The following FAM3B variants were observed in gnomAD, a reference collection of about 807,000 sequenced individuals.
FAM3B encodes FAM3 metabolism regulating signaling molecule B, also known as protein FAM3B.
FAM3B carries 29 observed loss-of-function variants against 28.4 expected under a neutral mutation model. The ratio of observed to expected loss-of-function variants is 1.02; its 90% CI spans 0.76 to 1.39. The LOEUF is 1.39. FAM3B is among the 40% of genes most tolerant of loss of function. The pLI, the probability that FAM3B is intolerant of heterozygous loss-of-function variation, is 0.00. For synonymous variants in FAM3B, 91 were observed against 103.0 expected (o/e 0.88, Z 0.71); for missense variants, 266 against 293.9 (o/e 0.91, Z 0.69).
At chr21:41,356,212 C>T (rs1425626285) in intron 7 of FAM3B, among the ~76,000 whole-genome samples, 3 of 152,182 alleles carry the variant, frequency 2.0e-5, no homozygotes, top group East Asian at 3.9e-4. Flanking sequence ...TTTGGTTTAT[C>T]GGTTGCCCTA....
upstream of FAM3B, chr21:41,316,777 A>G: frequency 8.2e-7 from 1 of 1,220,132 alleles, no homozygotes; most frequent in Non-Finnish European, 1.1e-6. Context: ...CCCCTGCCCG[A>G]CACGACCGCT....
chr21:41,325,743 C>A (rs906532398), intron 2 of FAM3B, among the ~76,000 whole-genome samples: 2 of 152,218 alleles, frequency 1.3e-5, no homozygotes, highest in East Asian at 3.8e-4. Context: ...CTCCTCTCCA[C>A]CCTTCCAAGT....
At chr21:41,353,844 A>T (rs891032740) in intron 7 of FAM3B, among the ~76,000 whole-genome samples, 2 of 152,262 alleles carry the variant, frequency 1.3e-5, no homozygotes, top group Non-Finnish European at 2.9e-5. Flanking sequence ...AAAAGAAACT[A>T]TCGAGTAAAC....
At chr21:41,345,620 C>A in intron 4 of FAM3B, 66 bp from the exon 5 acceptor site, 4 of 918,936 alleles carry the variant, frequency 4.4e-6, no homozygotes, top group Non-Finnish European at 6.6e-6. Context: ...TCCCCAGGCC[C>A]TGGTGCCACA....
At position 41,347,065 on chromosome 21, in the gene FAM3B, GC is replaced by G. The variant is rs1385319360; in HGVS notation, c.451del (p.Leu151SerfsTer4). On this transcript the variant is annotated frameshift_variant, in exon 6 of 8. Transcript: ENST00000357985. LOFTEE classifies it high-confidence loss of function. ...FIQSAAPKSL[L>X]FMVTYDDGST... is the part of the protein sequence containing the mutation. ...TTCAGAGTGCTGCTCCAAAATCCCT[GC>G]TCTTCATGGTGACCTATGACGACGG... The G allele has an allele frequency of 1.2e-6, 2 of 1,614,014 alleles. No individual in the cohort carries two copies. The highest frequency in any genetic ancestry group is 1.7e-6 in the Non-Finnish European group (2 of 1,180,026).
At chr21:41,305,868 C>T (rs1046336851) in intron 1 of FAM3B, among the ~76,000 whole-genome samples, 3 of 152,176 alleles carry the variant, frequency 2.0e-5, no homozygotes, top group Non-Finnish European at 2.9e-5. Context: ...AAGAAGACAA[C>T]AATGAAGTTT....
At chr21:41,304,403 T>A in intron 1 of FAM3B, 1 of 420,004 alleles carries the variant, frequency 2.4e-6, no homozygotes, top group Non-Finnish European at 4.8e-6. Context: ...CCCGAGGGAG[T>A]CGCCCCCGAA....
At chr21:41,355,007 A>G (rs2089153628) in intron 7 of FAM3B, among the ~76,000 whole-genome samples, 1 of 152,234 alleles carries the variant, frequency 6.6e-6, no homozygotes. Flanking sequence ...AAAAATGGAC[A>G]AAGTTGTGAA....
upstream of FAM3B, among the ~76,000 whole-genome samples, chr21:41,316,521 GC>G (rs2088749641): frequency 6.6e-6 from 1 of 152,196 alleles, no homozygotes; most frequent in Admixed American, 6.6e-5. Flanking sequence ...AGCCTAGGGA[GC>G]CAAAGTATCA....
chr21:41,306,501 C>T (rs2088683821), intron 1 of FAM3B, among the ~76,000 whole-genome samples: 1 of 152,216 alleles, frequency 6.6e-6, no homozygotes, highest in Non-Finnish European at 1.5e-5. Flanking sequence ...GATCCAAGGG[C>T]TGCAGAATGG....
Position 41,341,474 on chromosome 21 carries a change from A to AT in FAM3B, c.287+2981dup, listed in dbSNP as rs34474545. The stretch of plus-strand genomic sequence containing the variant: ...TCCTTCCTGCCCAATGGTAACCTGG[A>AT]TTTTTTTTGGTGGTGATTTATTTCC... On this transcript the variant is annotated intron_variant, in intron 3 of 7. Coordinates refer to ENST00000357985, the MANE Select transcript of FAM3B (RefSeq NM_058186.4). Among the ~76,000 whole-genome samples, 78 of 152,026 alleles carry AT rather than the reference A, an allele frequency of 5.1e-4. 1 individual carries two copies. Among genetic ancestry groups the AT allele is most frequent in the Admixed American group, 3.9e-3 (59 of 15,280 alleles).
At chr21:41,350,999 G>A (rs2089114828) in intron 7 of FAM3B, among the ~76,000 whole-genome samples, 1 of 151,990 alleles carries the variant, frequency 6.6e-6, no homozygotes, top group Admixed American at 6.6e-5. Context: ...ATGCACACGA[G>A]CGTCTGTGGT....
intron 1 of FAM3B, among the ~76,000 whole-genome samples, chr21:41,305,629 A>T (rs1055373036): frequency 3.3e-5 from 5 of 152,280 alleles, no homozygotes; most frequent in African/African-American, 1.2e-4. Flanking sequence ...CCCAATGCAC[A>T]TAAAAGTAAT....
At chr21:41,333,965 TG>T (rs1568917271) in intron 2 of FAM3B, among the ~76,000 whole-genome samples, 1 of 152,200 alleles carries the variant, frequency 6.6e-6, no homozygotes, top group Non-Finnish European at 1.5e-5. Context: ...GCAAAGAGCT[TG>T]GCTGCATTGT....
chr21:41,305,006 T>C (rs1170704746), intron 1 of FAM3B, among the ~76,000 whole-genome samples: 1 of 152,156 alleles, frequency 6.6e-6, no homozygotes, highest in African/African-American at 2.4e-5. Context: ...ACTGAAGGGA[T>C]GACGTGTGGA....
intron 1 of FAM3B, among the ~76,000 whole-genome samples, chr21:41,322,146 C>T (rs2088812399): frequency 6.6e-6 from 1 of 152,150 alleles, no homozygotes; most frequent in African/African-American, 2.4e-5. Flanking sequence ...GGAGCAAACT[C>T]TAAAAGCCCT....
At chr21:41,317,331 C>T (rs1211369526) in intron 1 of FAM3B, among the ~76,000 whole-genome samples, 1 of 151,610 alleles carries the variant, frequency 6.6e-6, no homozygotes. Flanking sequence ...ACCTTGCACG[C>T]CAGGGAGGGG....
chr21:41,346,799 G>A (rs1011063405), intron 5 of FAM3B, among the ~76,000 whole-genome samples: 9 of 151,846 alleles, frequency 5.9e-5, no homozygotes, highest in African/African-American at 1.2e-4. Flanking sequence ...TTCCTTCTAC[G>A]CTGTGCCACT....
chr21:41,354,297 C>A (rs929676417), intron 7 of FAM3B, among the ~76,000 whole-genome samples: 2 of 152,148 alleles, frequency 1.3e-5, no homozygotes, highest in Non-Finnish European at 2.9e-5. Context: ...ATATTCCTAA[C>A]AAATTATATT....
Sources: allele counts gnomAD v4.1 joint callset (sites outside exome capture counted in the v4.1 genomes callset), GRCh38; gene constraint gnomAD v4.1.1; transcripts MANE v1.5; gene names NCBI Gene and HGNC (gene_info 2026-07-23, HGNC 2026-07-21).